The following ARHGEF10 variants were observed in gnomAD, a reference collection of about 807,000 sequenced individuals.
ARHGEF10 encodes the protein Rho guanine nucleotide exchange factor 10, also known as Rho guanine nucleotide exchange factor (GEF) 10.
In ARHGEF10, 140 loss-of-function variants were observed where a neutral mutation model predicts 147.4. The ratio of observed to expected loss-of-function variants is 0.95; its 90% CI spans 0.83 to 1.09. ARHGEF10 has a LOEUF of 1.09. ARHGEF10 is among the 50% of genes least tolerant of loss of function. ARHGEF10 has a pLI of 0.00. For missense variants in ARHGEF10, 2,222 were observed against 1,752.7 expected (o/e 1.27, Z -4.78); for synonymous variants, 902 against 695.8 (o/e 1.30, Z -4.67).
chr8:1,934,879 A>T (rs1264100023), intron 26 of ARHGEF10, among the ~76,000 whole-genome samples: 2 of 152,236 alleles, frequency 1.3e-5, no homozygotes, highest in Non-Finnish European at 2.9e-5. Context: ...TGTATCAAAT[A>T]TTTATGGAGG....
intron 9 of ARHGEF10, 46 bp downstream of exon 9, chr8:1,880,210 G>T: frequency 2.1e-6 from 3 of 1,439,512 alleles, no homozygotes; most frequent in Non-Finnish European, 2.9e-6. Flanking sequence ...CAGCCGGGCA[G>T]TAAAGAAAAA....
At chr8:1,881,821 G>C (rs1350606388) in intron 9 of ARHGEF10, among the ~76,000 whole-genome samples, 3 of 152,348 alleles carry the variant, frequency 2.0e-5, no homozygotes, top group Middle Eastern at 3.4e-3. Flanking sequence ...CTGCACTGCT[G>C]GTCCCTTTGA....
At chr8:1,863,264 C>T (rs975239240) in intron 4 of ARHGEF10, among the ~76,000 whole-genome samples, 3 of 152,088 alleles carry the variant, frequency 2.0e-5, no homozygotes, top group African/African-American at 4.8e-5. Flanking sequence ...GCAGATCCAC[C>T]CCCCCAGCCC....
intron 4 of ARHGEF10, 61 bp downstream of exon 4, chr8:1,860,245 C>A: frequency 6.6e-7 from 1 of 1,516,146 alleles, no homozygotes; most frequent in Non-Finnish European, 9.0e-7. Context: ...TCTCCACGCC[C>A]CCGAAGTGGC....
chr8:1,832,987 GAC>G (rs1803301602), intron 1 of ARHGEF10, among the ~76,000 whole-genome samples: 1 of 101,052 alleles, frequency 9.9e-6, no homozygotes, highest in Admixed American at 9.7e-5. Context: ...GAGAGACAGA[GAC>G]AGAGGCAGAG....
Position 1,957,544 on chromosome 8 carries a change from G to A in ARHGEF10, c.*281G>A, listed in dbSNP as rs1467232149. 1.6e-5 allele frequency: 9 copies of A among 549,342 alleles called. No homozygotes were observed. Among genetic ancestry groups the A allele is most frequent in the East Asian group, 6.3e-5 (2 of 31,828 alleles). The allele number at this position is 549,342 out of a possible 1,614,324, so 34.0% of individuals were successfully genotyped here. On this transcript the variant is annotated 3_prime_UTR_variant, in exon 29 of 29. Transcript: ENST00000349830. ...TCTGGGAAAATACCACATTCTTTTT[G>A]ACTGCTGTAGTCCATATGTGAATAC...
At chr8:1,911,155 AAT>A (rs1216262321) in intron 18 of ARHGEF10, among the ~76,000 whole-genome samples, 1 of 152,236 alleles carries the variant, frequency 6.6e-6, no homozygotes, top group East Asian at 1.9e-4. Context: ...ATTAAAAAGA[AAT>A]ATGCCACATT....
chr8:1,894,688 C>A (rs1809831079), intron 13 of ARHGEF10, 116 bp downstream of exon 13: 2 of 1,191,678 alleles, frequency 1.7e-6, no homozygotes, highest in East Asian at 2.4e-5. Flanking sequence ...GTGTGCAGTT[C>A]TCTCTAAAGG....
At position 1,925,372 on chromosome 8, in the gene ARHGEF10, C is replaced by G; in HGVS notation, c.2578C>G (p.Pro860Ala). The part of the protein sequence containing the change: ...EKHPLLVGHM[P>A]VMVAKQQEFK... ...GCATCCTCTCCTCGTCGGACACATG[C>G]CCGTGATGGTGGCCAAGCAGCAGGA... Residue 860 changes from proline (P) to alanine (A), a missense_variant, in exon 22 of 29, where the codon CCC becomes GCC. Pro to Ala is a conservative substitution (Grantham distance 27, BLOSUM62 -1). Coordinates refer to ENST00000349830, the MANE Select transcript of ARHGEF10 (RefSeq NM_014629.4). 6.2e-7 allele frequency: 1 copy of G among 1,614,130 alleles called. No homozygotes were observed. The highest frequency in any genetic ancestry group is 8.5e-7 in the Non-Finnish European group (1 of 1,180,032).
At chr8:1,953,998 T>C (rs1268737113) in intron 28 of ARHGEF10, among the ~76,000 whole-genome samples, 1 of 152,230 alleles carries the variant, frequency 6.6e-6, no homozygotes, top group Non-Finnish European at 1.5e-5. Context: ...AATTCTAGTT[T>C]TGCCATTCAT....
At chr8:1,843,816 G>A (rs1011996771) in intron 2 of ARHGEF10, among the ~76,000 whole-genome samples, 1 of 152,176 alleles carries the variant, frequency 6.6e-6, no homozygotes, top group Non-Finnish European at 1.5e-5. Context: ...CGCCCATGGC[G>A]GGTGCTCGCC....
rs192900561 is a variant in ARHGEF10, at chr8:1,841,005, A to G, written c.-47-2348A>G. 2.2e-3 allele frequency among the ~76,000 whole-genome samples: 338 copies of G among 152,282 alleles called. 1 individual carries two copies. Among genetic ancestry groups the G allele is most frequent in the Non-Finnish European group, 3.7e-3 (250 of 68,002 alleles). ...CTCCCCACATATTCCAGGTGGAGCG[A>G]TGACCTCACTTGCCCCCTCTCCCGG... is the stretch of plus-strand genomic sequence containing the variant. On this transcript the variant is annotated intron_variant, in intron 1 of 28. Transcript: ENST00000349830.
Position 1,929,309 on chromosome 8 carries a change from A to C in ARHGEF10, c.2945A>C (p.Gln982Pro). 1 of 1,614,150 alleles carries C rather than the reference A, an allele frequency of 6.2e-7. No homozygotes were observed. Among genetic ancestry groups the C allele is most frequent in the East Asian group, 2.2e-5 (1 of 44,888 alleles). The change falls in exon 25 of 29, where the codon CAA becomes CCA. Residue 982 changes from glutamine (Q) to proline (P), a missense_variant. Gln to Pro is a moderately conservative substitution (Grantham distance 76). Coordinates refer to ENST00000349830, the MANE Select transcript of ARHGEF10 (RefSeq NM_014629.4). Reference protein sequence around the residue: ...EGSISIYKSSQGSKKVRLQHF... With the variant: ...EGSISIYKSSPGSKKVRLQHF... The stretch of plus-strand genomic sequence containing the variant: ...AGCATTTCCATTTATAAAAGCAGTC[A>C]AGGCTCCAAGAAAGTGAGACTTCAG...
intron 11 of ARHGEF10, among the ~76,000 whole-genome samples, chr8:1,885,942 A>T (rs1361803178): frequency 2.0e-5 from 3 of 152,054 alleles, no homozygotes; most frequent in Non-Finnish European, 4.4e-5. Flanking sequence ...TCTGGTCCTT[A>T]AATATTTTGG....
At chr8:1,928,406 C>G (rs1812846614) in intron 23 of ARHGEF10, 21 bp from the exon 24 acceptor site, 2 of 1,395,586 alleles carry the variant, frequency 1.4e-6, no homozygotes, top group Non-Finnish European at 2.0e-6. Flanking sequence ...TTTCTTCTTT[C>G]CTCCTAATTC....
At chr8:1,892,088 G>T (rs1305457317) in intron 11 of ARHGEF10, among the ~76,000 whole-genome samples, 2 of 151,452 alleles carry the variant, frequency 1.3e-5, no homozygotes, top group African/African-American at 4.8e-5. Context: ...CCCCACAACT[G>T]TGACTCAGGA....
chr8:1,832,748 AGAGACAGAGACAGAGG>A lies in ARHGEF10; in HGVS notation c.-48+8636_-48+8651del, dbSNP rs1263442463. On this transcript the variant is annotated intron_variant, in intron 1 of 28. Coordinates refer to ENST00000349830, the MANE Select transcript of ARHGEF10 (RefSeq NM_014629.4). ...GAGAGACAGAGGCAGAGGCAGAGGC[AGAGACAGAGACAGAGG>A]CAGAGACAGAGGCAGAGACAGAGAG... Among the ~76,000 whole-genome samples, 342 of 42,994 alleles carry A rather than the reference AGAGACAGAGACAGAGG, an allele frequency of 8.0e-3. 42 individuals carry two copies. The highest frequency in any genetic ancestry group is 0.043 in the South Asian group (48 of 1,114). The allele number at this position is 42,994 out of a possible 152,430, so 28.2% of individuals were successfully genotyped here. A position where few individuals can be genotyped will look rare whatever the true frequency, so the allele number is the denominator to read the frequency against.
chr8:1,954,960 C>T (rs13258485), intron 28 of ARHGEF10, among the ~76,000 whole-genome samples: 1,332 of 114,394 alleles, frequency 0.012, 27 homozygotes, highest in African/African-American at 0.033. Flanking sequence ...GCCAGGTGCT[C>T]CCTGAAAGGA....
At chr8:1,925,245 C>T (rs1472008049) in intron 21 of ARHGEF10, 38 bp from the exon 22 acceptor site, 33 of 1,613,770 alleles carry the variant, frequency 2.0e-5, no homozygotes, top group Non-Finnish European at 2.7e-5. Context: ...TGTGAGTTAA[C>T]TGCATTCTTG....
Sources: gnomAD v4.1 joint callset for allele counts (sites outside exome capture counted in the v4.1 genomes callset) on GRCh38, gnomAD v4.1.1 for gene constraint, MANE v1.5 for transcripts, NCBI Gene and HGNC (gene_info 2026-07-23, HGNC 2026-07-21) for gene names.